Variants in SCHIP1 observed in about 807,000 individuals in gnomAD.
The protein encoded by SCHIP1 is schwannomin-interacting protein 1.
SCHIP1 carries 8 observed loss-of-function variants against 29.7 expected under a neutral mutation model. That is an observed-to-expected ratio of 0.27 (90% confidence interval 0.16 to 0.49). The LOEUF (loss-of-function observed/expected upper bound fraction) is 0.49. Ranked by LOEUF, SCHIP1 falls within the 20% of genes least tolerant of loss-of-function variation. SCHIP1 has a pLI of 0.99. For synonymous variants in SCHIP1, 76 were observed against 94.9 expected, an observed-to-expected ratio of 0.80 and a Z score of 1.16; for missense variants, 193 against 294.6, an observed-to-expected ratio of 0.66 and a Z score of 2.52.
the SCHIP1 span, among the ~76,000 whole-genome samples, chr3:159,598,492 A>G: frequency 1.3e-5 from 2 of 152,228 alleles, no homozygotes. Flanking sequence ...TGGGACAGTC[A>G]TTAAATCTTA....
chr3:159,503,612 T>C, the SCHIP1 span, among the ~76,000 whole-genome samples: 1 of 152,182 alleles, frequency 6.6e-6, no homozygotes, highest in African/African-American at 2.4e-5. Context: ...CATATGCTAT[T>C]CAGAGTGTTT....
At chr3:159,282,934 C>T in the SCHIP1 span, among the ~76,000 whole-genome samples, 5 of 151,654 alleles carry the variant, frequency 3.3e-5, no homozygotes, top group East Asian at 9.9e-4. Flanking sequence ...AGACTCATTC[C>T]AGATAAACTC....
the SCHIP1 span, among the ~76,000 whole-genome samples, chr3:159,577,966 T>A: frequency 2.0e-5 from 3 of 152,212 alleles, no homozygotes; most frequent in Admixed American, 6.5e-5. Context: ...TTTTATCCAA[T>A]ATCTAGAGCA....
chr3:159,680,728 ATAATATAC>A, the SCHIP1 span, among the ~76,000 whole-genome samples: 3 of 94,122 alleles, frequency 3.2e-5, no homozygotes, highest in African/African-American at 1.3e-4. Flanking sequence ...ATGTATATAT[ATAATATAC>A]ATATATAATA....
the SCHIP1 span, among the ~76,000 whole-genome samples, chr3:159,693,318 TCTTC>T: frequency 2.0e-5 from 3 of 152,228 alleles, no homozygotes; most frequent in Non-Finnish European, 4.4e-5. Context: ...GATCTCTCTT[TCTTC>T]CAAGGATAAA....
the SCHIP1 span, among the ~76,000 whole-genome samples, chr3:159,763,010 T>G: frequency 6.6e-6 from 1 of 152,168 alleles, no homozygotes; most frequent in East Asian, 1.9e-4. Flanking sequence ...CCTGTCTCCT[T>G]GCCAGGCAGG....
At chr3:159,448,006 T>G in the SCHIP1 span, among the ~76,000 whole-genome samples, 1 of 152,090 alleles carries the variant, frequency 6.6e-6, no homozygotes, top group Admixed American at 6.6e-5. Context: ...GAAATAGGCT[T>G]ATTTAGGAAG....
At chr3:159,673,954 G>A in the SCHIP1 span, among the ~76,000 whole-genome samples, 2 of 152,138 alleles carry the variant, frequency 1.3e-5, no homozygotes, top group African/African-American at 4.8e-5. Context: ...CTCTCCTCCT[G>A]CAGTTCCTTC....
the SCHIP1 span, among the ~76,000 whole-genome samples, chr3:159,410,761 A>G: frequency 6.6e-6 from 1 of 152,166 alleles, no homozygotes; most frequent in Non-Finnish European, 1.5e-5. Flanking sequence ...TGATCCAGCA[A>G]TCCCACTGCT....
the SCHIP1 span, among the ~76,000 whole-genome samples, chr3:159,450,866 T>TGG: frequency 6.8e-6 from 1 of 147,220 alleles, no homozygotes; most frequent in Non-Finnish European, 1.5e-5. Context: ...TGGAGTGCAG[T>TGG]GGTGAGATCT....
the SCHIP1 span, chr3:159,763,758 C>T: frequency 6.6e-6 from 1 of 152,342 alleles, no homozygotes; most frequent in South Asian, 2.1e-4. Context: ...TTTGGGGAGG[C>T]GGGGGACCAC....
intron 2 of SCHIP1, among the ~76,000 whole-genome samples, chr3:159,882,907 C>T (rs953777250): frequency 6.6e-6 from 1 of 152,224 alleles, no homozygotes; most frequent in Admixed American, 6.5e-5. Flanking sequence ...TAGGCACTGT[C>T]ACACTGAGGC....
intron 1 of SCHIP1, among the ~76,000 whole-genome samples, chr3:159,854,604 A>G (rs1311340002): frequency 6.6e-6 from 1 of 152,162 alleles, no homozygotes; most frequent in Non-Finnish European, 1.5e-5. Context: ...AACACTTCCC[A>G]GCTGTCCGCT....
the SCHIP1 span, among the ~76,000 whole-genome samples, chr3:159,567,543 C>T: frequency 2.0e-5 from 3 of 152,098 alleles, no homozygotes; most frequent in African/African-American, 7.2e-5. Context: ...TCAGTACCTC[C>T]TTCCTCTTTA....
chr3:159,457,305 T>C, the SCHIP1 span, among the ~76,000 whole-genome samples: 91 of 152,300 alleles, frequency 6.0e-4, no homozygotes, highest in Non-Finnish European at 1.0e-3. Context: ...GTTAAATGTA[T>C]AAAGTGATAT....
chr3:159,842,780 A>G (rs1310066621), intron 1 of SCHIP1, among the ~76,000 whole-genome samples: 1 of 150,898 alleles, frequency 6.6e-6, no homozygotes, highest in Non-Finnish European at 1.5e-5. Flanking sequence ...CATTTGGGAC[A>G]TACACTAAAA....
At chr3:159,702,937 T>C in the SCHIP1 span, among the ~76,000 whole-genome samples, 4 of 152,260 alleles carry the variant, frequency 2.6e-5, no homozygotes, top group African/African-American at 9.6e-5. Context: ...GTCAATGATA[T>C]CCTTTTACTT....
chr3:159,839,960 G>A, exon 1 of SCHIP1: 1 of 1,419,332 alleles, frequency 7.0e-7, no homozygotes, highest in Non-Finnish European at 9.1e-7. Context: ...CTGCCTCACT[G>A]GTTTCGGAGG....
chr3:159,823,406 C>T, the SCHIP1 span, among the ~76,000 whole-genome samples: 1 of 152,168 alleles, frequency 6.6e-6, no homozygotes, highest in East Asian at 1.9e-4. Flanking sequence ...TTTTTCTAAA[C>T]TTGAAGCAGT....
Sources: gnomAD v4.1 joint callset for allele counts (sites outside exome capture counted in the v4.1 genomes callset) on GRCh38, gnomAD v4.1.1 for gene constraint, MANE v1.5 for transcripts, NCBI Gene and HGNC (gene_info 2026-07-23, HGNC 2026-07-21) for gene names.